NDST3: variants seen among roughly 807,000 people sequenced by gnomAD.
NDST3 encodes N-deacetylase and N-sulfotransferase 3, also known as bifunctional heparan sulfate N-deacetylase/N-sulfotransferase 3.
Under a neutral mutation model 96.1 loss-of-function variants are expected in NDST3, and 58 were observed. The ratio of observed to expected loss-of-function variants is 0.60; its 90% CI spans 0.49 to 0.75. The LOEUF (loss-of-function observed/expected upper bound fraction) is 0.75. Ranked by LOEUF, NDST3 falls within the 30% of genes least tolerant of loss-of-function variation. NDST3 has a pLI of 0.00. For missense variants in NDST3, 788 were observed against 1,034.2 expected (o/e 0.76, Z 3.27); for synonymous variants, 333 against 359.7 (o/e 0.93, Z 0.84).
intron 6 of NDST3, among the ~76,000 whole-genome samples, chr4:118,222,484 T>C (rs1169313697): frequency 6.6e-6 from 1 of 151,864 alleles, no homozygotes; most frequent in Non-Finnish European, 1.5e-5. Flanking sequence ...ACAAAACAAA[T>C]CTCAGGCTTG....
intron 6 of NDST3, among the ~76,000 whole-genome samples, chr4:118,199,658 T>A (rs1170452974): frequency 6.6e-6 from 1 of 152,130 alleles, no homozygotes; most frequent in Non-Finnish European, 1.5e-5. Flanking sequence ...AGTTAGGTAT[T>A]TATTGTAGTC....
intron 6 of NDST3, among the ~76,000 whole-genome samples, chr4:118,171,769 T>C (rs1453311106): frequency 6.6e-6 from 1 of 152,144 alleles, no homozygotes; most frequent in Non-Finnish European, 1.5e-5. Context: ...AATTGAATAA[T>C]TGGGCCCTCT....
intron 3 of NDST3, among the ~76,000 whole-genome samples, chr4:118,112,740 C>G (rs1730743309): frequency 6.6e-6 from 1 of 152,130 alleles, no homozygotes; most frequent in Non-Finnish European, 1.5e-5. Context: ...TAGAAGGACC[C>G]AAGAACCTGC....
intron 1 of NDST3, among the ~76,000 whole-genome samples, chr4:118,036,700 G>A (rs1724170895): frequency 6.6e-6 from 1 of 152,034 alleles, no homozygotes; most frequent in South Asian, 2.1e-4. Flanking sequence ...TATACTCTTA[G>A]ATACCTGGAT....
intron 6 of NDST3, among the ~76,000 whole-genome samples, chr4:118,162,375 C>T (rs1485299003): frequency 6.6e-6 from 1 of 152,152 alleles, no homozygotes; most frequent in Non-Finnish European, 1.5e-5. Context: ...GTAACCAAAA[C>T]AGCATGGTAC....
chr4:118,240,959 A>G (rs1484265319), intron 11 of NDST3, among the ~76,000 whole-genome samples: 2 of 152,218 alleles, frequency 1.3e-5, no homozygotes, highest in Non-Finnish European at 2.9e-5. Flanking sequence ...TACGATTCTT[A>G]TCCTGAGAAT....
chr4:118,106,188 A>G (rs1015224202), intron 3 of NDST3, among the ~76,000 whole-genome samples: 4 of 152,098 alleles, frequency 2.6e-5, no homozygotes, highest in Admixed American at 2.6e-4. Context: ...CATGTGTTCC[A>G]AGTACTTTCT....
At chr4:118,085,189 A>C (rs563875229) in intron 2 of NDST3, among the ~76,000 whole-genome samples, 49 of 152,302 alleles carry the variant, frequency 3.2e-4, no homozygotes, top group African/African-American at 1.1e-3. Context: ...ATTAGAATCA[A>C]GTATGCGGAA....
intron 6 of NDST3, among the ~76,000 whole-genome samples, chr4:118,161,494 G>A (rs528164781): frequency 1.3e-5 from 2 of 152,322 alleles, no homozygotes; most frequent in Admixed American, 1.3e-4. Context: ...ACAGAGGCAA[G>A]CAGGCCTCCT....
chr4:118,247,696 AACT>A (rs1429478222), intron 12 of NDST3, among the ~76,000 whole-genome samples: 1 of 152,232 alleles, frequency 6.6e-6, no homozygotes, highest in Non-Finnish European at 1.5e-5. Flanking sequence ...ATAATTGTAC[AACT>A]ATATAAACTT....
chr4:118,187,980 C>T (rs1283157115), intron 6 of NDST3, among the ~76,000 whole-genome samples: 1 of 152,096 alleles, frequency 6.6e-6, no homozygotes, highest in African/African-American at 2.4e-5. Context: ...GGTTGATTGT[C>T]CTCAGTCAGT....
intron 2 of NDST3, among the ~76,000 whole-genome samples, chr4:118,066,581 TATAAC>T (rs59066677): frequency 1.9e-4 from 12 of 63,212 alleles, no homozygotes; most frequent in African/African-American, 7.0e-4. Flanking sequence ...ATACATTATA[TATAAC>T]ATGTTATATA....
intron 6 of NDST3, among the ~76,000 whole-genome samples, chr4:118,223,125 A>T (rs966219257): frequency 2.0e-5 from 3 of 152,018 alleles, no homozygotes; most frequent in Admixed American, 1.3e-4. Flanking sequence ...TACCTTATTA[A>T]GCTACACTGA....
At chr4:118,083,608 A>C (rs1186783916) in intron 2 of NDST3, among the ~76,000 whole-genome samples, 1 of 152,162 alleles carries the variant, frequency 6.6e-6, no homozygotes, top group Non-Finnish European at 1.5e-5. Flanking sequence ...TTTTGTTGGT[A>C]TAGAGGCATT....
chr4:118,109,102 T>C (rs1290275062), intron 3 of NDST3, among the ~76,000 whole-genome samples: 3 of 152,226 alleles, frequency 2.0e-5, no homozygotes, highest in Non-Finnish European at 4.4e-5. Flanking sequence ...GTTAGACTCA[T>C]AGCATAACTA....
intron 6 of NDST3, among the ~76,000 whole-genome samples, chr4:118,179,906 C>T (rs945375143): frequency 6.6e-6 from 1 of 151,990 alleles, no homozygotes; most frequent in Admixed American, 6.6e-5. Context: ...CTTTTAACCC[C>T]TGCCCTCATC....
At chr4:118,183,691 A>T (rs962486379) in intron 6 of NDST3, among the ~76,000 whole-genome samples, 14 of 152,238 alleles carry the variant, frequency 9.2e-5, no homozygotes, top group African/African-American at 3.4e-4. Flanking sequence ...CCCTTGCAAG[A>T]CAAGTGGTTC....
intron 8 of NDST3, among the ~76,000 whole-genome samples, chr4:118,229,321 TG>T (rs1740119836): frequency 6.6e-6 from 1 of 152,230 alleles, no homozygotes; most frequent in African/African-American, 2.4e-5. Flanking sequence ...AGTATTTTTC[TG>T]GATAATTTTG....
intron 6 of NDST3, among the ~76,000 whole-genome samples, chr4:118,180,867 G>A (rs777652383): frequency 3.3e-5 from 5 of 152,100 alleles, no homozygotes; most frequent in Non-Finnish European, 5.9e-5. Flanking sequence ...GGAAAGAAAC[G>A]AAATACCTGT....
Sources: allele counts gnomAD v4.1 joint callset (sites outside exome capture counted in the v4.1 genomes callset), GRCh38; gene constraint gnomAD v4.1.1; transcripts MANE v1.5; gene names NCBI Gene and HGNC (gene_info 2026-07-23, HGNC 2026-07-21).